The following CAPN9 variants were observed in gnomAD, a reference collection of about 807,000 sequenced individuals.
The protein encoded by CAPN9 is calpain 9.
Under a neutral mutation model 92.8 loss-of-function variants are expected in CAPN9, and 81 were observed. The ratio of observed to expected loss-of-function variants is 0.87; its 90% CI spans 0.73 to 1.05. CAPN9 has a LOEUF of 1.05. Ranked by LOEUF, CAPN9 falls within the 50% of genes least tolerant of loss-of-function variation. The pLI is 0.00. For synonymous variants in CAPN9, 304 were observed against 328.0 expected (o/e 0.93, Z 0.79); for missense variants, 848 against 866.2 (o/e 0.98, Z 0.26).
intron 16 of CAPN9, 132 bp downstream of exon 16, chr1:230,792,626 C>G (rs908072594): frequency 7.5e-6 from 6 of 801,188 alleles, no homozygotes; most frequent in Non-Finnish European, 1.1e-5. Flanking sequence ...GAAGGGAAAA[C>G]AGCATCATGC....
intron 11 of CAPN9, among the ~76,000 whole-genome samples, chr1:230,780,976 C>G (rs1178276818): frequency 6.6e-6 from 1 of 152,126 alleles, no homozygotes; most frequent in Non-Finnish European, 1.5e-5. Context: ...AGCAATTCTC[C>G]TGGCTCATCC....
At chr1:230,791,777 T>C in intron 14 of CAPN9, 87 bp from the exon 15 acceptor site, 1 of 982,236 alleles carries the variant, frequency 1.0e-6, no homozygotes, top group Non-Finnish European at 1.6e-6. Flanking sequence ...AGCCCTGGAT[T>C]TAGCCACATT....
Position 230,801,857 on chromosome 1 carries a change from A to G in CAPN9, c.*261A>G. The G allele has an allele frequency of 1.9e-6, 1 of 534,870 alleles. No homozygotes were observed. The highest frequency in any genetic ancestry group is 3.3e-6 in the Non-Finnish European group (1 of 300,106). The allele number at this position is 534,870 out of a possible 1,614,324, so 33.1% of individuals were successfully genotyped here. On this transcript the variant is annotated 3_prime_UTR_variant, in exon 20 of 20. Coordinates refer to ENST00000271971, the MANE Select transcript of CAPN9 (RefSeq NM_006615.3). ...CTTACATCCAGGTTCAGGCATCACT[A>G]GCTTTCCCACACTCTACTTTCCTTA...
intron 2 of CAPN9, 75 bp from the exon 3 acceptor site, chr1:230,759,437 C>A: frequency 2.9e-6 from 3 of 1,027,000 alleles, no homozygotes; most frequent in Admixed American, 2.2e-5. Context: ...TCCCCACATC[C>A]CCTTCTGACA....
At chr1:230,771,931 T>G in intron 6 of CAPN9, 83 bp from the exon 7 acceptor site, 1 of 1,103,472 alleles carries the variant, frequency 9.1e-7, no homozygotes, top group Non-Finnish European at 1.4e-6. Context: ...ATGGAGCTGG[T>G]CCACCTGGAG....
At chr1:230,790,035 C>T (rs990339224) in intron 13 of CAPN9, 97 bp from the exon 14 acceptor site, 71 of 1,004,758 alleles carry the variant, frequency 7.1e-5, no homozygotes, top group East Asian at 3.6e-4. Flanking sequence ...TGGTCTGTCA[C>T]TGGAGCCAAA....
At chr1:230,795,089 G>T in intron 17 of CAPN9, 74 bp from the exon 18 acceptor site, 1 of 890,752 alleles carries the variant, frequency 1.1e-6, no homozygotes, top group South Asian at 1.4e-5. Flanking sequence ...CTGCCTGGGA[G>T]CTCCCTCAAA....
At chr1:230,789,534 A>T (rs911413843) in intron 13 of CAPN9, among the ~76,000 whole-genome samples, 2 of 148,350 alleles carry the variant, frequency 1.3e-5, no homozygotes, top group Admixed American at 1.4e-4. Context: ...GAGACTCTCC[A>T]TTTCTAACCA....
At position 230,757,011 on chromosome 1, in the gene CAPN9, TGGAAGGAAGGAA is replaced by T. The variant is rs1185102067; in HGVS notation, c.283+1650_283+1661del. Among the ~76,000 whole-genome samples, 346 of 85,210 alleles carry T rather than the reference TGGAAGGAAGGAA, an allele frequency of 4.1e-3. 3 individuals carry two copies. In the Middle Eastern group the frequency reaches 0.06, roughly 15 times the overall value. 55.9% of individuals were successfully genotyped at this position (85,210 alleles called of 152,430 possible). ...GAGGGAGGAAGGGAGGGAGGGAGGATGGAAGGAAGGAAGGAAGGAAGGAAGGAAGGAAGGAAG... is the reference window on the plus strand; with the variant it reads ...GAGGGAGGAAGGGAGGGAGGGAGGATGGAAGGAAGGAAGGAAGGAAGGAAG... On this transcript the variant is annotated intron_variant, in intron 2 of 19. Transcript: ENST00000271971.
At chr1:230,776,369 T>C (rs1257769596) in intron 8 of CAPN9, 1 of 152,130 alleles carries the variant, frequency 6.6e-6, no homozygotes, top group Non-Finnish European at 1.5e-5. Context: ...AACATATGAA[T>C]TTAGGGGAGA....
chr1:230,791,394 A>G (rs1667971809), intron 14 of CAPN9, among the ~76,000 whole-genome samples: 1 of 152,218 alleles, frequency 6.6e-6, no homozygotes, highest in Non-Finnish European at 1.5e-5. Context: ...ACTATTTCAC[A>G]TTTTCACCAG....
chr1:230,759,605 G>T lies in CAPN9; in HGVS notation c.377G>T (p.Gly126Val). The T allele has an allele frequency of 6.2e-7, 1 of 1,607,426 alleles. No homozygotes were observed. The highest frequency in any genetic ancestry group is 8.5e-7 in the Non-Finnish European group (1 of 1,177,540). ...VIPQDQSFGP[G>V]YAGIFHFQFW... ...CCCCAGGACCAAAGCTTTGGCCCTGGTTATGCCGGGATATTCCATTTCCAG... is the reference window on the plus strand; with the variant it reads ...CCCCAGGACCAAAGCTTTGGCCCTGTTTATGCCGGGATATTCCATTTCCAG... Residue 126 changes from glycine to valine, a missense_variant, in exon 3 of 20, where the codon GGT (glycine) becomes GTT (valine). Coordinates refer to ENST00000271971, the MANE Select transcript of CAPN9 (RefSeq NM_006615.3).
intron 7 of CAPN9, among the ~76,000 whole-genome samples, chr1:230,773,611 G>C (rs939293933): frequency 1.3e-5 from 2 of 152,230 alleles, no homozygotes; most frequent in Non-Finnish European, 2.9e-5. Flanking sequence ...CTGGTGACAT[G>C]TGAGTAGGGT....
intron 2 of CAPN9, 82 bp from the exon 3 acceptor site, chr1:230,759,430 C>G: frequency 1.0e-6 from 1 of 970,672 alleles, no homozygotes. Context: ...CTGAAACTCC[C>G]CACATCCCCT....
Position 230,792,704 on chromosome 1 carries a change from C to T in CAPN9, c.1792-146C>T, listed in dbSNP as rs1248132549. On this transcript the variant is annotated intron_variant, in intron 16 of 19. Coordinates refer to ENST00000271971, the MANE Select transcript of CAPN9 (RefSeq NM_006615.3). The stretch of plus-strand genomic sequence containing the variant: ...ACGAAAAGGAAGACAAAAGGGAGAC[C>T]GACTTCTTTTGGAAGGCCCAGTCCA... 3.2e-5 allele frequency: 25 copies of T among 775,336 alleles called. No individual in the cohort carries two copies. In the Admixed American group the frequency reaches 3.7e-4, roughly 11 times the overall value. The allele number at this position is 775,336 out of a possible 1,614,324, so 48.0% of individuals were successfully genotyped here. A position where few individuals can be genotyped will look rare whatever the true frequency, so the allele number is the denominator to read the frequency against.
chr1:230,791,979 GCA>G, intron 15 of CAPN9, 51 bp downstream of exon 15: 1 of 1,288,568 alleles, frequency 7.8e-7, no homozygotes, highest in Non-Finnish European at 1.1e-6. Flanking sequence ...TGGGCTTTAA[GCA>G]CAGTAGAGTA....
At chr1:230,792,314 T>G in intron 15 of CAPN9, 112 bp from the exon 16 acceptor site, 1 of 836,440 alleles carries the variant, frequency 1.2e-6, no homozygotes, top group Non-Finnish European at 2.0e-6. Flanking sequence ...CCCAAACCTG[T>G]GCACCCAGGC....
At chr1:230,772,612 C>A (rs533024280) in intron 7 of CAPN9, among the ~76,000 whole-genome samples, 1 of 152,120 alleles carries the variant, frequency 6.6e-6, no homozygotes, top group African/African-American at 2.4e-5. Flanking sequence ...CATGGTGGCT[C>A]ATGCCTATAA....
intron 19 of CAPN9, among the ~76,000 whole-genome samples, chr1:230,799,786 T>C (rs942353940): frequency 6.6e-6 from 1 of 152,186 alleles, no homozygotes; most frequent in Non-Finnish European, 1.5e-5. Flanking sequence ...CAGTCCCAGC[T>C]ATTTGGGAGG....
Sources: gnomAD v4.1 joint callset for allele counts (sites outside exome capture counted in the v4.1 genomes callset) on GRCh38, gnomAD v4.1.1 for gene constraint, MANE v1.5 for transcripts, NCBI Gene and HGNC (gene_info 2026-07-23, HGNC 2026-07-21) for gene names.